The following DCAF6 variants were observed in gnomAD, a reference collection of about 807,000 sequenced individuals.
The protein encoded by DCAF6 is DDB1 and CUL4 associated factor 6.
A neutral mutation model predicts 125.1 loss-of-function variants in DCAF6; 54 were observed. The observed-to-expected ratio is 0.43, with a 90% CI of 0.35 to 0.54. The LOEUF (loss-of-function observed/expected upper bound fraction) is 0.54, where lower values mean the gene tolerates loss of function less well. Among genes scored for constraint, DCAF6 ranks in the 20% least tolerant of loss-of-function variants. The pLI, the probability that DCAF6 is intolerant of heterozygous loss-of-function variation, is 0.01. For missense variants in DCAF6, 934 were observed against 1,161.7 expected (o/e 0.80, Z 2.85); for synonymous variants, 371 against 390.4 (o/e 0.95, Z 0.58).
chr1:167,868,120 T>A, the DCAF6 span, among the ~76,000 whole-genome samples: 1 of 152,194 alleles, frequency 6.6e-6, no homozygotes, highest in East Asian at 1.9e-4. Context: ...AGACTTTCTA[T>A]GATTAACTAA....
At chr1:167,906,091 A>T in the DCAF6 span, among the ~76,000 whole-genome samples, 1 of 152,196 alleles carries the variant, frequency 6.6e-6, no homozygotes, top group African/African-American at 2.4e-5. Flanking sequence ...AGTAGGTCAT[A>T]TTGGGATATA....
At chr1:167,918,036 GT>G in the DCAF6 span, 1 of 268,956 alleles carries the variant, frequency 3.7e-6, no homozygotes, top group Admixed American at 5.0e-5. Context: ...ATGTACATAT[GT>G]TGGCTGACTG....
intron 12 of DCAF6, among the ~76,000 whole-genome samples, chr1:168,033,420 A>G (rs575472541): frequency 6.2e-5 from 9 of 146,038 alleles, no homozygotes; most frequent in African/African-American, 2.3e-4. Context: ...GGTTCACGCC[A>G]TTCTCCTGCC....
At chr1:167,894,029 T>C in the DCAF6 span, 1 of 885,416 alleles carries the variant, frequency 1.1e-6, no homozygotes, top group Non-Finnish European at 1.9e-6. Flanking sequence ...CCCTATTCTC[T>C]TGGGCAGTGG....
the DCAF6 span, among the ~76,000 whole-genome samples, chr1:167,895,697 A>G: frequency 6.6e-6 from 1 of 152,226 alleles, no homozygotes; most frequent in East Asian, 1.9e-4. Context: ...TCTGGCTGTT[A>G]GGTCTGAGAC....
chr1:168,012,912 C>G (rs2103151643), intron 10 of DCAF6, among the ~76,000 whole-genome samples: 1 of 152,046 alleles, frequency 6.6e-6, no homozygotes, highest in East Asian at 1.9e-4. Flanking sequence ...GCCACTTCAC[C>G]AAGTGGGTTC....
the DCAF6 span, among the ~76,000 whole-genome samples, chr1:167,910,847 G>A: frequency 0.15 from 23,353 of 152,138 alleles, 2,485 homozygotes; most frequent in African/African-American, 0.3. Flanking sequence ...TAGCTACCAA[G>A]CTTGTAAGAT....
intron 10 of DCAF6, among the ~76,000 whole-genome samples, chr1:168,005,736 T>C (rs997107037): frequency 2.0e-5 from 3 of 152,180 alleles, no homozygotes; most frequent in Admixed American, 2.0e-4. Flanking sequence ...AAATATGGGA[T>C]GTTTTAATTT....
rs572896684 is a variant in DCAF6 at position 168,010,566 on chromosome 1, G to A, written c.1379-5215G>A. 2.0e-3 allele frequency among the ~76,000 whole-genome samples: 296 copies of A among 151,420 alleles called. 2 individuals carry two copies. Among genetic ancestry groups the A allele is most frequent in the Non-Finnish European group, 2.3e-3 (159 of 67,850 alleles). ...TTTGAAACCACGTTCTATATACCTC[G>A]CCCAGAATTTGAAGATATTTTGATT... On this transcript the variant is annotated intron_variant, in intron 10 of 21. Coordinates refer to ENST00000367840, the MANE Select transcript of DCAF6 (RefSeq NM_001198956.2).
the DCAF6 span, among the ~76,000 whole-genome samples, chr1:167,891,535 A>C: frequency 3.0e-4 from 46 of 151,738 alleles, no homozygotes; most frequent in Non-Finnish European, 5.3e-4. Flanking sequence ...GGGCGCCTGT[A>C]GTCCCAGCTA....
At chr1:167,887,875 A>G in the DCAF6 span, among the ~76,000 whole-genome samples, 1 of 151,496 alleles carries the variant, frequency 6.6e-6, no homozygotes, top group Non-Finnish European at 1.5e-5. Flanking sequence ...GCCCACTCCA[A>G]TGTCCTTGAG....
intron 5 of DCAF6, among the ~76,000 whole-genome samples, chr1:167,988,886 C>T (rs1367617664): frequency 6.6e-6 from 1 of 152,068 alleles, no homozygotes; most frequent in Non-Finnish European, 1.5e-5. Flanking sequence ...GGAGACCAGC[C>T]TGGTCAACAT....
chr1:167,962,941 C>T (rs979370434), intron 2 of DCAF6, among the ~76,000 whole-genome samples: 3 of 151,466 alleles, frequency 2.0e-5, no homozygotes, highest in Admixed American at 1.3e-4. Context: ...GGCGATGAAG[C>T]GAGACTCCAT....
chr1:167,886,840 A>T, the DCAF6 span, among the ~76,000 whole-genome samples: 1 of 152,224 alleles, frequency 6.6e-6, no homozygotes, highest in Non-Finnish European at 1.5e-5. Flanking sequence ...ACTTAAACAA[A>T]TTTGCAAGAA....
In DCAF6 at chr1:167,936,814, T is replaced by TG; in HGVS notation, c.-96dup. ...GCGCCCTGGAGGCCCGGCGCGCGGA[T>TG]GGTGCCGGTGCGGCTCGGGTGTTGA... On this transcript the variant is annotated 5_prime_UTR_variant, in exon 1 of 22. An upstream open reading frame in the 5' UTR loses its in-frame stop. Coordinates refer to ENST00000367840, the MANE Select transcript of DCAF6 (RefSeq NM_001198956.2). The TG allele has an allele frequency of 9.1e-7, 1 of 1,102,516 alleles. No homozygotes were observed. The highest frequency in any genetic ancestry group is 1.3e-6 in the Non-Finnish European group (1 of 756,116). 68.3% of individuals were successfully genotyped at this position (1,102,516 alleles called of 1,614,324 possible).
intron 1 of DCAF6, among the ~76,000 whole-genome samples, chr1:167,937,883 C>T (rs374355019): frequency 2.0e-5 from 3 of 152,058 alleles, no homozygotes; most frequent in African/African-American, 2.4e-5. Flanking sequence ...TTTGGAGATA[C>T]GGCAAACAAC....
intron 10 of DCAF6, among the ~76,000 whole-genome samples, chr1:168,007,158 C>T (rs562731429): frequency 6.6e-6 from 1 of 152,320 alleles, no homozygotes; most frequent in African/African-American, 2.4e-5. Context: ...TCCCAGCTTT[C>T]CAACATCTGT....
At chr1:168,000,075 G>A (rs895496343) in intron 7 of DCAF6, among the ~76,000 whole-genome samples, 8 of 152,074 alleles carry the variant, frequency 5.3e-5, no homozygotes, top group African/African-American at 1.9e-4. Context: ...ACCATTGTAG[G>A]GTTATTAACT....
At chr1:168,045,471 C>T (rs191285928) in intron 16 of DCAF6, among the ~76,000 whole-genome samples, 3 of 152,290 alleles carry the variant, frequency 2.0e-5, no homozygotes, top group African/African-American at 4.8e-5. Flanking sequence ...CTGAGGCTTG[C>T]TTCTGAATTT....
Sources: allele counts gnomAD v4.1 joint callset (sites outside exome capture counted in the v4.1 genomes callset), GRCh38; gene constraint gnomAD v4.1.1; transcripts MANE v1.5; gene names NCBI Gene and HGNC (gene_info 2026-07-23, HGNC 2026-07-21).